The following MMP13 variants were observed in gnomAD, a reference collection of about 807,000 sequenced individuals.
MMP13 encodes matrix metallopeptidase 13.
A neutral mutation model predicts 52.1 loss-of-function variants in MMP13; 45 were observed. That is an observed-to-expected ratio of 0.86 (90% CI 0.68 to 1.11). The LOEUF (loss-of-function observed/expected upper bound fraction) is 1.11. MMP13 is among the 50% of genes least tolerant of loss of function. MMP13 has a pLI of 0.00. For missense variants in MMP13, 576 were observed against 583.8 expected (o/e 0.99, Z 0.14); for synonymous variants, 200 against 204.4 (o/e 0.98, Z 0.18).
Position 102,948,000 on chromosome 11 carries a change from T to G in MMP13, c.1102A>C (p.Lys368Gln), listed in dbSNP as rs1450579168. 3 of 1,613,736 alleles carry G rather than the reference T, an allele frequency of 1.9e-6. No homozygotes were observed. The highest frequency in any genetic ancestry group is 2.7e-5 in the African/African-American group (2 of 74,876). ...GGAAGACCCAGTTCAGATATTTTTTTGGGATAACCTTCCAGAATGTCATAA... is the reference window on the plus strand; with the variant it reads ...GGAAGACCCAGTTCAGATATTTTTTGGGGATAACCTTCCAGAATGTCATAA... ...NGYDILEGYP[K>Q]KISELGLPKE... is the part of the protein sequence containing the mutation. The change falls in exon 8 of 10, where the codon AAA becomes CAA. Residue 368 changes from lysine to glutamine, a missense_variant. By Grantham distance (53) the Lys-to-Gln change is moderately conservative (BLOSUM62 1). Transcript: ENST00000260302.
chr11:102,945,663 G>A lies in MMP13; in HGVS notation c.1298C>T (p.Ala433Val), dbSNP rs375834936. 1 of 1,593,946 alleles carries A rather than the reference G, an allele frequency of 6.3e-7. No individual in the cohort carries two copies. Among genetic ancestry groups the A allele is most frequent in the African/African-American group, 1.3e-5 (1 of 74,582 alleles). The change falls in exon 9 of 10, where the codon GCT becomes GTT. Residue 433 changes from alanine to valine, a missense_variant. Coordinates refer to ENST00000260302, the MANE Select transcript of MMP13 (RefSeq NM_002427.4). ...CTACTTACCATTTTTCTCATAGACA[G>A]CATCTACTTTATCACCAATTCCTGG... The part of the protein sequence containing the change: ...DFPGIGDKVD[A>V]VYEKNGYIYF...
rs146341643 is a variant in MMP13, at chr11:102,949,995, C to A, written c.917+115G>T. ...GAAATATGTAAATAAACTGCCTGCC[C>A]ATTTTTACTGCTAACTTCGCCTTTG... On this transcript the variant is annotated intron_variant, in intron 6 of 9. Coordinates refer to ENST00000260302, the MANE Select transcript of MMP13 (RefSeq NM_002427.4). The surrounding 1 kb of genome is among the most constrained non-coding windows in gnomAD (Gnocchi z 4.2). 2.4e-6 allele frequency: 2 copies of A among 845,032 alleles called. No individual in the cohort carries two copies. The highest frequency in any genetic ancestry group is 1.7e-5 in the African/African-American group (1 of 60,170). 52.3% of individuals were successfully genotyped at this position (845,032 alleles called of 1,614,324 possible).
Position 102,949,647 on chromosome 11 carries a change from C to T in MMP13, c.917+463G>A, listed in dbSNP as rs1481189222. On this transcript the variant is annotated intron_variant, in intron 6 of 9. Transcript: ENST00000260302. This position sits in a 1 kb window ranked among gnomAD's most constrained non-coding sequence, Gnocchi z 4.2. The stretch of plus-strand genomic sequence containing the variant: ...AGGGATCAATGAATGAATGAATAAA[C>T]AAGCATACTGGAACAGTGTAGAAAT... 6.6e-6 allele frequency among the ~76,000 whole-genome samples: 1 copy of T among 152,102 alleles called. No homozygotes were observed. The highest frequency in any genetic ancestry group is 2.4e-5 in the African/African-American group (1 of 41,406).
At chr11:102,951,611 G>A (rs1210773483) in intron 5 of MMP13, among the ~76,000 whole-genome samples, 1 of 152,144 alleles carries the variant, frequency 6.6e-6, no homozygotes. Context: ...GTAGAGTCAT[G>A]TGTTGCTTAA....
chr11:102,944,504 T>C, intron 9 of MMP13, 138 bp from the exon 10 acceptor site: 2 of 574,502 alleles, frequency 3.5e-6, no homozygotes, highest in South Asian at 4.3e-5. Context: ...ATTAGTTCTT[T>C]AATAGTTGTT....
Position 102,944,040 on chromosome 11 carries a change from G to A in MMP13, c.*226C>T. 2.0e-6 allele frequency: 1 copy of A among 489,974 alleles called. No individual in the cohort carries two copies. The highest frequency in any genetic ancestry group is 1.8e-5 in the South Asian group (1 of 54,362). The allele number at this position is 489,974 out of a possible 1,614,324, so 30.4% of individuals were successfully genotyped here. A position where few individuals can be genotyped will look rare whatever the true frequency, so the allele number is the denominator to read the frequency against. The stretch of plus-strand genomic sequence containing the variant: ...AACCATTGCTTTTGTACAGCAACAA[G>A]AATCAGATGCTCTTTAGAGATCCTC... On this transcript the variant is annotated 3_prime_UTR_variant, in exon 10 of 10. Coordinates refer to ENST00000260302, the MANE Select transcript of MMP13 (RefSeq NM_002427.4).
intron 9 of MMP13, chr11:102,945,384 T>C (rs1053175268): frequency 1.2e-6 from 1 of 815,022 alleles, no homozygotes; most frequent in African/African-American, 1.8e-5. Context: ...TTGGCATCTT[T>C]AAGCATAGAT....
In MMP13 at chr11:102,955,285, G is replaced by A; in HGVS notation, c.329C>T (p.Thr110Ile). The change falls in exon 2 of 10, where the codon ACT (threonine) becomes ATT (isoleucine). Residue 110 changes from threonine to isoleucine, a missense_variant. Coordinates refer to ENST00000260302, the MANE Select transcript of MMP13 (RefSeq NM_002427.4). This position sits in a 1 kb window ranked among gnomAD's most constrained non-coding sequence, Gnocchi z 4.9. The part of the protein sequence containing the change: ...DVGEYNVFPR[T>I]LKWSKMNLTY... Reference sequence around the variant, plus strand: ...TAAATTCATTTTGGACCATTTAAGAGTTCGAGGGAAAACATTGTATTCACC... The same window carrying A: ...TAAATTCATTTTGGACCATTTAAGAATTCGAGGGAAAACATTGTATTCACC... 1 of 1,613,898 alleles carries A rather than the reference G, an allele frequency of 6.2e-7. No individual in the cohort carries two copies. Among genetic ancestry groups the A allele is most frequent in the Admixed American group, 1.7e-5 (1 of 59,988 alleles).
chr11:102,950,567 C>T (rs1860595201), intron 5 of MMP13, among the ~76,000 whole-genome samples: 2 of 152,146 alleles, frequency 1.3e-5, no homozygotes, highest in African/African-American at 2.4e-5. Context: ...AAACTAGATT[C>T]CCCTTAAAGC....
At chr11:102,947,126 C>A (rs1860521846) in intron 8 of MMP13, among the ~76,000 whole-genome samples, 1 of 152,334 alleles carries the variant, frequency 6.6e-6, no homozygotes, top group Middle Eastern at 3.4e-3. Context: ...CCTGGTCAAC[C>A]TCTCCAGTGG....
chr11:102,950,945 G>C (rs1201605842), intron 5 of MMP13, among the ~76,000 whole-genome samples: 3 of 152,222 alleles, frequency 2.0e-5, no homozygotes, highest in African/African-American at 7.2e-5. Context: ...TCATGCCCAT[G>C]GCTATGCTAG....
rs17860561 is a variant in MMP13, at chr11:102,949,769, G to T, written c.917+341C>A. 2.0e-5 allele frequency among the ~76,000 whole-genome samples: 3 copies of T among 152,038 alleles called. No individual in the cohort carries two copies. The highest frequency in any genetic ancestry group is 2.1e-4 in the South Asian group (1 of 4,820). ...AGTCTTTCCATACCAAAACGAATCC[G>T]TGTGGGCCTAACGAGTAACCATTTA... On this transcript the variant is annotated intron_variant, in intron 6 of 9. Transcript: ENST00000260302. The surrounding 1 kb of genome is among the most constrained non-coding windows in gnomAD (Gnocchi z 4.2).
Position 102,954,198 on chromosome 11 carries a change from C to G in MMP13, c.595G>C (p.Ala199Pro). ...FPPGPNYGGDAHFDDDETWTS... is the reference protein window; with the variant it reads ...FPPGPNYGGDPHFDDDETWTS... ...CAGGTTTCATCATCATCAAAATGGGCATCTCCTCCATAATTTGGCCCAGGA... is the reference window on the plus strand; with the variant it reads ...CAGGTTTCATCATCATCAAAATGGGGATCTCCTCCATAATTTGGCCCAGGA... Residue 199 changes from alanine to proline, a missense_variant, in exon 4 of 10, where the codon GCC becomes CCC. Coordinates refer to ENST00000260302, the MANE Select transcript of MMP13 (RefSeq NM_002427.4). The G allele has an allele frequency of 6.2e-7, 1 of 1,613,628 alleles. No homozygotes were observed.
rs201043020 is a variant in MMP13 at position 102,949,174 on chromosome 11, A to T, written c.918-16T>A. 6.8e-6 allele frequency: 11 copies of T among 1,612,858 alleles called. No homozygotes were observed. Among genetic ancestry groups the T allele is most frequent in the Middle Eastern group, 1.7e-4 (1 of 6,056 alleles). On this transcript the variant is annotated splice_polypyrimidine_tract_variant and intron_variant, in intron 6 of 9. Transcript: ENST00000260302. This position sits in a 1 kb window ranked among gnomAD's most constrained non-coding sequence, Gnocchi z 4.2. ...CCAGAAGAATCTAACACAAAAGTAA[A>T]ATGGAGTTTTCTGTCACATTTTTAA...
chr11:102,946,774 G>A (rs782325740), intron 8 of MMP13, among the ~76,000 whole-genome samples: 3 of 152,172 alleles, frequency 2.0e-5, no homozygotes, highest in Non-Finnish European at 4.4e-5. Flanking sequence ...ATGAAATGCG[G>A]TACCTGGTAG....
rs782547926 is a variant in MMP13 at position 102,950,091 on chromosome 11, G to C, written c.917+19C>G. ...GATGTTTGTCGCATACAGACTTTATGAAAGAATCTCAAGAGTACCTGTCTT... is the reference window on the plus strand; with the variant it reads ...GATGTTTGTCGCATACAGACTTTATCAAAGAATCTCAAGAGTACCTGTCTT... On this transcript the variant is annotated intron_variant, in intron 6 of 9. Coordinates refer to ENST00000260302, the MANE Select transcript of MMP13 (RefSeq NM_002427.4). 5.1e-6 allele frequency: 8 copies of C among 1,572,784 alleles called. No individual in the cohort carries two copies. The highest frequency in any genetic ancestry group is 5.3e-6 in the Non-Finnish European group (6 of 1,142,538).
At chr11:102,944,757 G>GCC (rs1283853721) in intron 9 of MMP13, among the ~76,000 whole-genome samples, 2 of 143,164 alleles carry the variant, frequency 1.4e-5, no homozygotes, top group East Asian at 4.3e-4. Flanking sequence ...ACAGGTGCAT[G>GCC]CCACCACTCC....
In MMP13 at chr11:102,954,450, A is replaced by T; in HGVS notation, c.511+8T>A. 1 of 1,612,698 alleles carries T rather than the reference A, an allele frequency of 6.2e-7. No individual in the cohort carries two copies. Among genetic ancestry groups the T allele is most frequent in the Non-Finnish European group, 8.5e-7 (1 of 1,179,094 alleles). Reference sequence around the variant, plus strand: ...AAAAATGTTTGTAAAATAAATGTGCATCATTACCCTTAATTCCAAAAGAGA... The same window carrying T: ...AAAAATGTTTGTAAAATAAATGTGCTTCATTACCCTTAATTCCAAAAGAGA... On this transcript the variant is annotated splice_region_variant and intron_variant, in intron 3 of 9. Coordinates refer to ENST00000260302, the MANE Select transcript of MMP13 (RefSeq NM_002427.4).
In MMP13 at chr11:102,943,926, C is replaced by T. The variant is rs1296803079; in HGVS notation, c.*340G>A. 2 of 264,052 alleles carry T rather than the reference C, an allele frequency of 7.6e-6. No homozygotes were observed. Among genetic ancestry groups the T allele is most frequent in the East Asian group, 8.5e-5 (1 of 11,724 alleles). The allele number at this position is 264,052 out of a possible 1,614,324, so 16.4% of individuals were successfully genotyped here. A position where few individuals can be genotyped will look rare whatever the true frequency, so the allele number is the denominator to read the frequency against. ...ATTATATGCATGTATTTACTTTATG[C>T]CCTTGTAAAATTTCCTTATAAATAT... On this transcript the variant is annotated 3_prime_UTR_variant, in exon 10 of 10. Transcript: ENST00000260302.
Sources: allele counts gnomAD v4.1 joint callset (sites outside exome capture counted in the v4.1 genomes callset), GRCh38; gene constraint gnomAD v4.1.1; non-coding constraint Gnocchi (gnomAD v3.1); transcripts MANE v1.5; gene names NCBI Gene and HGNC (gene_info 2026-07-23, HGNC 2026-07-21).